Variants in TEX15 observed in about 807,000 individuals in gnomAD.
The protein encoded by TEX15 is testis-expressed protein 15.
Under a neutral mutation model 237.3 loss-of-function variants are expected in TEX15, and 171 were observed. That is an observed-to-expected ratio of 0.72 (90% CI 0.64 to 0.82). TEX15 has a LOEUF of 0.82. Among genes scored for constraint, TEX15 ranks in the 40% least tolerant of loss-of-function variants. TEX15 has a pLI of 0.00. For synonymous variants in TEX15, 1,338 were observed against 1,269.8 expected (o/e 1.05, Z -1.14); for missense variants, 3,750 against 3,646.5 (o/e 1.03, Z -0.73).
chr8:30,849,275 A>G lies in TEX15; in HGVS notation c.892T>C (p.Phe298Leu). 6.5e-7 allele frequency: 1 copy of G among 1,534,876 alleles called. No individual in the cohort carries two copies. Among genetic ancestry groups the G allele is most frequent in the Non-Finnish European group, 8.7e-7 (1 of 1,146,556 alleles). ...SLNNCTVAKR[F>L]GKGKDATVTF... ...ACAGTAGCATCTTTTCCTTTTCCAA[A>G]TCTTTTGGCCACTGTACAGTTATTC... The change falls in exon 8 of 11, where the codon TTT becomes CTT. Residue 298 changes from phenylalanine to leucine, a missense_variant. Physicochemically the swap from Phe to Leu is conservative, Grantham distance 22. Coordinates refer to ENST00000643185, the MANE Select transcript of TEX15 (RefSeq NM_001350162.2).
At position 30,874,821 on chromosome 8, in the gene TEX15, C is replaced by CTT. The variant is rs1477178204; in HGVS notation, c.302+115_302+116insAA. Reference sequence around the variant, plus strand: ...CTATGAGAATGTAACAAAAAATAATCTGTGTTTTCTTAGTAATAACTTACT... The same window carrying CTT: ...CTATGAGAATGTAACAAAAAATAATCTTTGTGTTTTCTTAGTAATAACTTACT... On this transcript the variant is annotated intron_variant, in intron 4 of 10. Transcript: ENST00000643185. 15 of 583,270 alleles carry CTT rather than the reference C, an allele frequency of 2.6e-5. No individual in the cohort carries two copies. The African/African-American group carries it at 2.9e-4, about 11-fold the overall frequency. 36.1% of individuals were successfully genotyped at this position (583,270 alleles called of 1,614,324 possible).
chr8:30,908,583 C>G (rs927952712), intron 1 of TEX15, among the ~76,000 whole-genome samples: 3 of 152,090 alleles, frequency 2.0e-5, no homozygotes, highest in African/African-American at 4.8e-5. Context: ...GAGAACACTG[C>G]CCCATCCGGA....
Position 30,867,255 on chromosome 8 carries a change from T to C in TEX15, c.540+10A>G. On this transcript the variant is annotated intron_variant, in intron 5 of 10. Coordinates refer to ENST00000643185, the MANE Select transcript of TEX15 (RefSeq NM_001350162.2). ...GTCCATATACTTAATATTTGTTTTA[T>C]GATACCTACCTTAAAAATTAAAATA... The C allele has an allele frequency of 7.5e-7, 1 of 1,325,150 alleles. No individual in the cohort carries two copies. Among genetic ancestry groups the C allele is most frequent in the Non-Finnish European group, 1.0e-6 (1 of 957,528 alleles). 82.1% of individuals were successfully genotyped at this position (1,325,150 alleles called of 1,614,324 possible).
In TEX15 at chr8:30,844,717, C is replaced by T; in HGVS notation, c.5450G>A (p.Ser1817Asn). 6.2e-7 allele frequency: 1 copy of T among 1,613,184 alleles called. No individual in the cohort carries two copies. Among genetic ancestry groups the T allele is most frequent in the Non-Finnish European group, 8.5e-7 (1 of 1,179,592 alleles). Residue 1817 changes from serine (S) to asparagine (N), a missense_variant, in exon 8 of 11, where the codon AGT becomes AAT. Physicochemically the swap from Ser to Asn is conservative, Grantham distance 46. Coordinates refer to ENST00000643185, the MANE Select transcript of TEX15 (RefSeq NM_001350162.2). ...ENIVELSSSDSSLLLKDNVKG... is the reference protein window; with the variant it reads ...ENIVELSSSDNSLLLKDNVKG... ...TACATTATCTTTTAAAAGCAGAGAA[C>T]TATCACTGGAAGATAATTCCACTAT...
chr8:30,851,359 G>A (rs1563247263), intron 7 of TEX15, among the ~76,000 whole-genome samples: 1 of 152,228 alleles, frequency 6.6e-6, no homozygotes, highest in African/African-American at 2.4e-5. Flanking sequence ...GCCGGGCAAG[G>A]TGGCTCATGC....
chr8:30,868,161 GATCTT>G (rs1808214209), intron 4 of TEX15, among the ~76,000 whole-genome samples: 1 of 151,942 alleles, frequency 6.6e-6, no homozygotes, highest in Non-Finnish European at 1.5e-5. Flanking sequence ...TTGATTACAG[GATCTT>G]ATCTTAGGTA....
chr8:30,883,117 T>A (rs1419109054), intron 3 of TEX15, among the ~76,000 whole-genome samples: 1 of 152,092 alleles, frequency 6.6e-6, no homozygotes, highest in Non-Finnish European at 1.5e-5. Flanking sequence ...TCTTTCTCTA[T>A]CTTTTTTTTT....
chr8:30,862,619 C>A (rs1029283010), intron 5 of TEX15, among the ~76,000 whole-genome samples: 78 of 151,958 alleles, frequency 5.1e-4, no homozygotes, highest in African/African-American at 1.8e-3. Context: ...TATTTGAGGT[C>A]AAAAAAATTG....
In TEX15 at chr8:30,844,531, A is replaced by G; in HGVS notation, c.5636T>C (p.Ile1879Thr). Residue 1879 changes from isoleucine to threonine, a missense_variant, in exon 8 of 11, where the codon ATC becomes ACC. Coordinates refer to ENST00000643185, the MANE Select transcript of TEX15 (RefSeq NM_001350162.2). Reference protein sequence around the residue: ...NTEYKNQKNQISEESCLNEKI... With the variant: ...NTEYKNQKNQTSEESCLNEKI... ...CTCATTTAAGCAGGATTCTTCTGAG[A>G]TCTGATTCTTTTGATTTTTGTACTC... is the stretch of plus-strand genomic sequence containing the variant. The G allele has an allele frequency of 6.2e-7, 1 of 1,612,638 alleles. No individual in the cohort carries two copies. Among genetic ancestry groups the G allele is most frequent in the South Asian group, 1.1e-5 (1 of 90,840 alleles).
intron 2 of TEX15, among the ~76,000 whole-genome samples, chr8:30,889,954 C>CATATATATATATATATATACATAT: frequency 0.041 from 4,439 of 108,976 alleles, 177 homozygotes; most frequent in Admixed American, 0.14. Flanking sequence ...TATATATATA[C>CATATATATATATATATATACATAT]ATATATATAT....
intron 2 of TEX15, among the ~76,000 whole-genome samples, chr8:30,898,280 C>A (rs940799433): frequency 1.3e-5 from 2 of 152,084 alleles, no homozygotes; most frequent in East Asian, 3.9e-4. Context: ...AGAGGTGAGG[C>A]CTTTGGAGAT....
chr8:30,912,367 A>G (rs1023454592), intron 1 of TEX15, among the ~76,000 whole-genome samples: 2 of 129,162 alleles, frequency 1.5e-5, no homozygotes, highest in African/African-American at 5.7e-5. Context: ...GGATATCCCC[A>G]CGCACCACGA....
rs1386877025 is a variant in TEX15 at position 30,874,916 on chromosome 8, G to T, written c.302+21C>A. On this transcript the variant is annotated intron_variant, in intron 4 of 10. Transcript: ENST00000643185. The stretch of plus-strand genomic sequence containing the variant: ...ACAAACACAACAAAATCTCAAACAC[G>T]TTTAGATCATAGTAACTTACCTCTT... 4 of 1,272,954 alleles carry T rather than the reference G, an allele frequency of 3.1e-6. No individual in the cohort carries two copies. In the East Asian group the frequency reaches 8.7e-5, roughly 28 times the overall value. The allele number at this position is 1,272,954 out of a possible 1,614,324, so 78.9% of individuals were successfully genotyped here.
At chr8:30,869,405 A>C (rs886291126) in intron 4 of TEX15, among the ~76,000 whole-genome samples, 2 of 152,014 alleles carry the variant, frequency 1.3e-5, no homozygotes, top group African/African-American at 2.4e-5. Flanking sequence ...CGAAATACTC[A>C]AACTCCCTCC....
chr8:30,853,955 A>C (rs1324093991), intron 7 of TEX15, among the ~76,000 whole-genome samples: 1 of 152,160 alleles, frequency 6.6e-6, no homozygotes, highest in African/African-American at 2.4e-5. Context: ...AATTTGAGAT[A>C]AATGAAAATT....
rs1274575964 is a variant in TEX15, at chr8:30,860,105, C to T, written c.541-48G>A. On this transcript the variant is annotated intron_variant, in intron 5 of 10. Coordinates refer to ENST00000643185, the MANE Select transcript of TEX15 (RefSeq NM_001350162.2). ...AAAAGTACGTAAAAATATACCAAAA[C>T]GTTTCTAAACTGTCACATTTCAAAC... The T allele has an allele frequency of 9.6e-6, 13 of 1,351,418 alleles. No homozygotes were observed. In the East Asian group the frequency reaches 1.3e-4, roughly 14 times the overall value. The allele number at this position is 1,351,418 out of a possible 1,614,324, so 83.7% of individuals were successfully genotyped here.
chr8:30,901,211 T>C (rs539065231), intron 1 of TEX15, among the ~76,000 whole-genome samples: 22 of 152,242 alleles, frequency 1.4e-4, no homozygotes, highest in East Asian at 5.8e-4. Context: ...CCAGAAGCTA[T>C]CTAGTAGAGT....
In TEX15 at chr8:30,867,473, C is replaced by A; in HGVS notation, c.332G>T (p.Cys111Phe). ...RSEMRESGRH[C>F]RELEEQFCFL... Reference sequence around the variant, plus strand: ...GCAGAACTGTTCTTCAAGTTCCCTGCAATGTCTTCCACTTTCACGCATCTC... The same window carrying A: ...GCAGAACTGTTCTTCAAGTTCCCTGAAATGTCTTCCACTTTCACGCATCTC... Residue 111 changes from cysteine to phenylalanine, a missense_variant, in exon 5 of 11, where the codon TGC (cysteine) becomes TTC (phenylalanine). Physicochemically the swap from Cys to Phe is radical, Grantham distance 205. Coordinates refer to ENST00000643185, the MANE Select transcript of TEX15 (RefSeq NM_001350162.2). 6.5e-7 allele frequency: 1 copy of A among 1,534,048 alleles called. No homozygotes were observed. The highest frequency in any genetic ancestry group is 8.7e-7 in the Non-Finnish European group (1 of 1,145,452).
chr8:30,847,876 G>A lies in TEX15; in HGVS notation c.2291C>T (p.Ala764Val), dbSNP rs755374645. Residue 764 changes from alanine to valine, a missense_variant, in exon 8 of 11, where the codon GCT becomes GTT. Coordinates refer to ENST00000643185, the MANE Select transcript of TEX15 (RefSeq NM_001350162.2). ...NQNYASIITE[A>V]FPKPKDIPQA... is the part of the protein sequence containing the mutation. ...GGGTATGTCTTTTGGTTTCGGGAAA[G>A]CTTCAGTTATAATGCTAGCATAATT... 5.6e-6 allele frequency: 9 copies of A among 1,613,886 alleles called. No homozygotes were observed. The highest frequency in any genetic ancestry group is 1.7e-5 in the Admixed American group (1 of 60,016).
Sources: gnomAD v4.1 joint callset for allele counts (sites outside exome capture counted in the v4.1 genomes callset) on GRCh38, gnomAD v4.1.1 for gene constraint, MANE v1.5 for transcripts, NCBI Gene and HGNC (gene_info 2026-07-23, HGNC 2026-07-21) for gene names.